VPS13B: variants seen among roughly 807,000 people sequenced by gnomAD.
The protein encoded by VPS13B is intermembrane lipid transfer protein VPS13B.
VPS13B carries 285 observed loss-of-function variants against 426.4 expected under a neutral mutation model. The observed-to-expected ratio is 0.67, with a 90% CI of 0.61 to 0.74. The LOEUF is 0.74. Ranked by LOEUF, VPS13B falls within the 30% of genes least tolerant of loss-of-function variation. VPS13B has a pLI of 0.00. For missense variants in VPS13B, 4,537 were observed against 4,782.6 expected, an observed-to-expected ratio of 0.95 and a Z score of 1.51; for synonymous variants, 1,676 against 1,676.4, an observed-to-expected ratio of 1.00 and a Z score of 0.01.
At position 99,828,392 on chromosome 8, in the gene VPS13B, CCG is replaced by C. The variant is rs1297784727; in HGVS notation, c.9331-3976_9331-3975del. ...TTATCAGAGACTAGGATTACAACCA[CCG>C]TTTTTTTTTTTTTTTTTTTTTTTTT... On this transcript the variant is annotated intron_variant, in intron 51 of 61. Coordinates refer to ENST00000357162, the MANE Select transcript of VPS13B (RefSeq NM_152564.5). 3.3e-3 allele frequency among the ~76,000 whole-genome samples: 157 copies of C among 47,642 alleles called. 26 individuals are homozygous for C. Among genetic ancestry groups the C allele is most frequent in the South Asian group, 8.6e-3 (10 of 1,168 alleles). 31.3% of individuals were successfully genotyped at this position (47,642 alleles called of 152,430 possible).
intron 20 of VPS13B, among the ~76,000 whole-genome samples, chr8:99,388,798 T>C (rs892918352): frequency 1.3e-5 from 2 of 152,206 alleles, no homozygotes; most frequent in African/African-American, 4.8e-5. Flanking sequence ...AGCCTTACTC[T>C]TGTGTTAGAA....
chr8:99,538,212 C>G (rs1397527810), intron 30 of VPS13B, among the ~76,000 whole-genome samples: 1 of 152,084 alleles, frequency 6.6e-6, no homozygotes, highest in African/African-American at 2.4e-5. Context: ...AAATTGCTGT[C>G]AGCAATATTA....
intron 25 of VPS13B, among the ~76,000 whole-genome samples, chr8:99,492,517 C>CTCTGCCCAGTTTG (rs1270264422): frequency 2.6e-5 from 4 of 152,208 alleles, no homozygotes; most frequent in African/African-American, 9.6e-5. Flanking sequence ...TTGCGGTGGG[C>CTCTGCCCAGTTTG]TCTGCCCAGT....
intron 3 of VPS13B, among the ~76,000 whole-genome samples, chr8:99,056,583 C>G (rs1563511461): frequency 6.6e-6 from 1 of 152,180 alleles, no homozygotes; most frequent in Non-Finnish European, 1.5e-5. Context: ...TGAAAATGGG[C>G]ATCCTTGTCT....
Position 99,823,983 on chromosome 8 carries a change from G to T in VPS13B, c.9330+5G>T. 1 of 1,611,378 alleles carries T rather than the reference G, an allele frequency of 6.2e-7. No individual in the cohort carries two copies. On this transcript the variant is annotated splice_donor_5th_base_variant and intron_variant, in intron 51 of 61. Coordinates refer to ENST00000357162, the MANE Select transcript of VPS13B (RefSeq NM_152564.5). ...AATCCCCATTCTGGAAAGGAGGTAA[G>T]CAAATCATAACGATTCTTTTGTCTA...
At chr8:99,199,462 C>T (rs1377195869) in intron 17 of VPS13B, among the ~76,000 whole-genome samples, 1 of 152,170 alleles carries the variant, frequency 6.6e-6, no homozygotes, top group African/African-American at 2.4e-5. Flanking sequence ...TGAGCCACCA[C>T]ACCCGGCCCA....
intron 30 of VPS13B, among the ~76,000 whole-genome samples, chr8:99,534,374 T>C (rs1823084011): frequency 6.6e-6 from 1 of 152,196 alleles, no homozygotes; most frequent in Admixed American, 6.5e-5. Flanking sequence ...GTATTTACTT[T>C]TATATTGCCA....
chr8:99,354,231 G>A (rs73287840), intron 19 of VPS13B, among the ~76,000 whole-genome samples: 2,427 of 111,268 alleles, frequency 0.022, 63 homozygotes, highest in African/African-American at 0.078. Flanking sequence ...AGGGAAAATC[G>A]TTGTGAGCAT....
chr8:99,401,749 C>G (rs1442057111), intron 21 of VPS13B, among the ~76,000 whole-genome samples: 1 of 152,090 alleles, frequency 6.6e-6, no homozygotes, highest in Non-Finnish European at 1.5e-5. Context: ...GCCTGCAGTC[C>G]CAGCTACTCG....
chr8:99,056,917 A>G (rs1429344244), intron 3 of VPS13B, among the ~76,000 whole-genome samples: 1 of 152,060 alleles, frequency 6.6e-6, no homozygotes, highest in Non-Finnish European at 1.5e-5. Context: ...TTCTTTTTTC[A>G]GCATGTAAGT....
At chr8:99,768,203 T>A (rs1016944321) in intron 40 of VPS13B, among the ~76,000 whole-genome samples, 2 of 152,226 alleles carry the variant, frequency 1.3e-5, no homozygotes, top group Admixed American at 6.5e-5. Context: ...TACGTGCCAC[T>A]TCTCCTGATG....
Position 99,314,740 on chromosome 8 carries a change from T to A in VPS13B, c.2824+39486T>A, listed in dbSNP as rs533180105. ...TACTGGGATTATGAGCGAGAACCAC[T>A]ACAGCCAGCTTATCTCCCATTTTAG... On this transcript the variant is annotated intron_variant, in intron 19 of 61. Transcript: ENST00000357162. Among the ~76,000 whole-genome samples the A allele has an allele frequency of 2.0e-5, 3 of 152,338 alleles. No individual in the cohort carries two copies. In the East Asian group the frequency reaches 5.8e-4, roughly 29 times the overall value.
intron 51 of VPS13B, among the ~76,000 whole-genome samples, chr8:99,830,608 C>T (rs1167949029): frequency 2.6e-5 from 4 of 152,044 alleles, no homozygotes; most frequent in Non-Finnish European, 4.4e-5. Flanking sequence ...GGGGAGTGAA[C>T]GATTCTGTCT....
intron 30 of VPS13B, 58 bp downstream of exon 30, chr8:99,521,068 A>T: frequency 7.4e-7 from 1 of 1,346,558 alleles, no homozygotes; most frequent in African/African-American, 1.4e-5. Context: ...AAACACATAT[A>T]GTGGTCAATA....
intron 39 of VPS13B, among the ~76,000 whole-genome samples, chr8:99,766,309 C>G (rs1811223012): frequency 6.6e-6 from 1 of 152,062 alleles, no homozygotes; most frequent in South Asian, 2.1e-4. Flanking sequence ...GTCTCAAACT[C>G]CTGACCTCAG....
chr8:99,391,632 C>G lies in VPS13B; in HGVS notation c.3010C>G (p.Pro1004Ala). Residue 1004 changes from proline to alanine, a missense_variant, in exon 21 of 62, where the codon CCC (proline) becomes GCC (alanine). Physicochemically the swap from Pro to Ala is conservative, Grantham distance 27. This residue lies in a region of VPS13B where 4,311 missense variants were observed against 4,474.3 expected (regional missense o/e 0.96). Coordinates refer to ENST00000357162, the MANE Select transcript of VPS13B (RefSeq NM_152564.5). ...GGATGAGGTGTCTATTGGAAGTGCC[C>G]CCTTGGCAAAGCAGCAATCATATCA... The part of the protein sequence containing the change: ...KEDEVSIGSA[P>A]LAKQQSYQAS... The G allele has an allele frequency of 1.2e-6, 2 of 1,614,124 alleles. No individual in the cohort carries two copies. Among genetic ancestry groups the G allele is most frequent in the African/African-American group, 2.7e-5 (2 of 75,036 alleles).
chr8:99,233,481 A>T, intron 17 of VPS13B: 1 of 1,328,520 alleles, frequency 7.5e-7, no homozygotes, highest in South Asian at 1.2e-5. Flanking sequence ...GGATGAAGAG[A>T]TTCACAATCT....
At chr8:99,650,254 C>T (rs1057004279) in intron 34 of VPS13B, among the ~76,000 whole-genome samples, 5 of 152,082 alleles carry the variant, frequency 3.3e-5, no homozygotes, top group Non-Finnish European at 7.3e-5. Flanking sequence ...GAGTTGTCAG[C>T]ATTAACTTGA....
At chr8:99,125,960 G>A (rs1200487423) in intron 8 of VPS13B, among the ~76,000 whole-genome samples, 3 of 151,746 alleles carry the variant, frequency 2.0e-5, no homozygotes, top group Non-Finnish European at 4.4e-5. Flanking sequence ...GGTAATTACA[G>A]CATGTTTGTT....
Sources: gnomAD v4.1 joint callset for allele counts (sites outside exome capture counted in the v4.1 genomes callset) on GRCh38, gnomAD v4.1.1 for gene constraint, gnomAD v4.1.1 regional missense constraint, MANE v1.5 for transcripts, NCBI Gene and HGNC (gene_info 2026-07-23, HGNC 2026-07-21) for gene names.